The following ASH1L variants were observed in gnomAD, a reference collection of about 807,000 sequenced individuals.
ASH1L encodes the protein histone-lysine N-methyltransferase ASH1L.
In ASH1L, 23 loss-of-function variants were observed where a neutral mutation model predicts 269.0. The observed-to-expected ratio is 0.09, with a 90% CI of 0.06 to 0.12. The LOEUF is 0.12. Ranked by LOEUF, ASH1L falls within the 10% of genes least tolerant of loss-of-function variation. The pLI, the probability that ASH1L is intolerant of heterozygous loss-of-function variation, is 1.00. For synonymous variants in ASH1L, 1,187 were observed against 1,253.5 expected, an observed-to-expected ratio of 0.95 and a Z score of 1.12; for missense variants, 2,912 against 3,567.8, an observed-to-expected ratio of 0.82 and a Z score of 4.68.
chr1:155,357,114 CACACAA>C (rs1570983875), intron 15 of ASH1L, among the ~76,000 whole-genome samples, 196 bp downstream of exon 15: 1 of 92,172 alleles, frequency 1.1e-5, no homozygotes, highest in Non-Finnish European at 1.9e-5. Context: ...CACACACACA[CACACAA>C]AAGGGTAAGA....
chr1:155,541,019 A>T (rs1477223345), intron 1 of ASH1L, among the ~76,000 whole-genome samples: 1 of 152,118 alleles, frequency 6.6e-6, no homozygotes, highest in Non-Finnish European at 1.5e-5. Context: ...CTGAGGCGGG[A>T]GGATGGCTTG....
intron 10 of ASH1L, among the ~76,000 whole-genome samples, chr1:155,374,785 C>T (rs1656282799): frequency 6.6e-6 from 1 of 151,974 alleles, no homozygotes; most frequent in African/African-American, 2.4e-5. Context: ...TCAAATGTAA[C>T]CTCTAGTTCA....
chr1:155,501,958 GC>G (rs1351475260), intron 2 of ASH1L, among the ~76,000 whole-genome samples: 1 of 152,008 alleles, frequency 6.6e-6, no homozygotes, highest in Non-Finnish European at 1.5e-5. Flanking sequence ...ACTGCACTCG[GC>G]CTAGAGATTG....
intron 1 of ASH1L, among the ~76,000 whole-genome samples, chr1:155,542,415 G>A (rs570240721): frequency 6.6e-6 from 1 of 151,886 alleles, no homozygotes; most frequent in Non-Finnish European, 1.5e-5. Context: ...CAGGCGTGGT[G>A]GTGGGCGCCT....
At chr1:155,562,043 C>T (rs1672012354) in intron 1 of ASH1L, 110 bp downstream of exon 1, 1 of 776,960 alleles carries the variant, frequency 1.3e-6, no homozygotes, top group Non-Finnish European at 2.1e-6. Context: ...TTCACCACTG[C>T]TCTCTCAGAG....
chr1:155,551,276 CG>C (rs201056970), intron 1 of ASH1L, among the ~76,000 whole-genome samples: 2 of 151,442 alleles, frequency 1.3e-5, no homozygotes, highest in African/African-American at 2.4e-5. Flanking sequence ...ATCTTTTCCT[CG>C]GGGGGGAAAA....
chr1:155,529,861 T>C (rs1669535144), intron 1 of ASH1L, among the ~76,000 whole-genome samples: 1 of 151,986 alleles, frequency 6.6e-6, no homozygotes, highest in African/African-American at 2.4e-5. Context: ...CCTCACTTAG[T>C]TCCAAGAAGG....
intron 20 of ASH1L, 75 bp downstream of exon 20, chr1:155,347,581 G>C: frequency 6.3e-7 from 1 of 1,577,330 alleles, no homozygotes; most frequent in Non-Finnish European, 8.6e-7. Flanking sequence ...ATCCAAAAGA[G>C]GCATGGGCTT....
chr1:155,360,156 C>A, intron 13 of ASH1L, 145 bp downstream of exon 13: 2 of 588,432 alleles, frequency 3.4e-6, no homozygotes, highest in Non-Finnish European at 6.1e-6. Flanking sequence ...TCACAAAGTG[C>A]TGGGATTAAA....
intron 3 of ASH1L, among the ~76,000 whole-genome samples, chr1:155,462,929 A>G (rs925186289): frequency 6.6e-6 from 1 of 152,226 alleles, no homozygotes; most frequent in Admixed American, 6.5e-5. Context: ...GAAGATGAGG[A>G]TAACTGAAAA....
chr1:155,482,515 C>G, intron 2 of ASH1L, 66 bp from the exon 3 acceptor site: 2 of 1,481,520 alleles, frequency 1.3e-6, no homozygotes, highest in South Asian at 2.7e-5. Context: ...CTTAGCTTAA[C>G]AATCCAACAA....
chr1:155,381,602 T>C (rs559353127), intron 7 of ASH1L, among the ~76,000 whole-genome samples: 5 of 151,978 alleles, frequency 3.3e-5, no homozygotes, highest in East Asian at 3.9e-4. Flanking sequence ...CTGGGCGCAA[T>C]GGTTCATGCC....
rs1269060230 is a variant in ASH1L at position 155,482,145 on chromosome 1, G to A, written c.725C>T (p.Thr242Ile). The A allele has an allele frequency of 5.0e-6, 8 of 1,614,182 alleles. No homozygotes were observed. Among genetic ancestry groups the A allele is most frequent in the Non-Finnish European group, 6.8e-6 (8 of 1,180,010 alleles). The stretch of plus-strand genomic sequence containing the variant: ...GCTAACCAATCCTGCTGTAGTGCCA[G>A]TTCCTAACTTCTTCGGTTTTGTCTT... ...SSKTKPKKLGTGTTAGLVSKD... is the reference protein window; with the variant it reads ...SSKTKPKKLGIGTTAGLVSKD... The change falls in exon 3 of 28, where the codon ACT becomes ATT. Residue 242 changes from threonine to isoleucine, a missense_variant. By Grantham distance (89) the Thr-to-Ile change is moderately conservative (BLOSUM62 -1). Coordinates refer to ENST00000392403, the MANE Select transcript of ASH1L (RefSeq NM_018489.3).
chr1:155,532,965 G>GGA (rs10679513), intron 1 of ASH1L, among the ~76,000 whole-genome samples: 127,540 of 141,938 alleles, frequency 0.9, 58,504 homozygotes, highest in Non-Finnish European at 0.98. Flanking sequence ...ATATATGGGG[G>GGA]GAGAGAGAGA....
intron 2 of ASH1L, among the ~76,000 whole-genome samples, chr1:155,499,080 T>C (rs1667342976): frequency 6.6e-6 from 1 of 152,180 alleles, no homozygotes; most frequent in Non-Finnish European, 1.5e-5. Context: ...TTGAATTTTA[T>C]ATTCCACACT....
rs776289537 is a variant in ASH1L, at chr1:155,370,567, C to T, written c.6623G>A (p.Arg2208His). ...GATGAATCGGGCCTCATTTCCCATG[C>T]GGTAACTGTCAATCACCATCCCACT... ...LDSGMVIDSY[R>H]MGNEARFINH... Residue 2208 changes from arginine (R) to histidine (H), a missense_variant, in exon 12 of 28, where the codon CGC (arginine) becomes CAC (histidine). Physicochemically the swap from Arg to His is conservative, Grantham distance 29 (BLOSUM62 0). This residue lies in a region of ASH1L where 193 missense variants were observed against 311.6 expected (regional missense o/e 0.62). Coordinates refer to ENST00000392403, the MANE Select transcript of ASH1L (RefSeq NM_018489.3). 25 of 1,614,010 alleles carry T rather than the reference C, an allele frequency of 1.5e-5. No homozygotes were observed. Among genetic ancestry groups the T allele is most frequent in the Admixed American group, 1.3e-4 (8 of 59,980 alleles).
In ASH1L at chr1:155,524,669, CAAAAATA is replaced by C. The variant is rs569180897; in HGVS notation, c.-99-3058_-99-3052del. Among the ~76,000 whole-genome samples, 1,094 of 151,754 alleles carry C rather than the reference CAAAAATA, an allele frequency of 7.2e-3. 12 individuals carry two copies. Among genetic ancestry groups the C allele is most frequent in the African/African-American group, 0.025 (1,041 of 41,380 alleles). On this transcript the variant is annotated intron_variant, in intron 1 of 27. Transcript: ENST00000392403. Reference sequence around the variant, plus strand: ...ACAACACAGTGAGACCTCATCTCTACAAAAATAAAAAATAAAAAATTAGCCAGGTGTG... The same window carrying C: ...ACAACACAGTGAGACCTCATCTCTACAAAAATAAAAAATTAGCCAGGTGTG...
At chr1:155,401,477 C>CAAAA (rs545010671) in intron 6 of ASH1L, among the ~76,000 whole-genome samples, 1 of 65,886 alleles carries the variant, frequency 1.5e-5, no homozygotes, top group Non-Finnish European at 3.0e-5. Flanking sequence ...GACTCCATCT[C>CAAAA]AAAAAAAAAA....
intron 5 of ASH1L, among the ~76,000 whole-genome samples, chr1:155,427,398 C>T (rs1661241161): frequency 6.6e-6 from 1 of 152,016 alleles, no homozygotes; most frequent in African/African-American, 2.4e-5. Context: ...ACCTCCGCCT[C>T]CCGGGTCCAA....
Sources: gnomAD v4.1 joint callset for allele counts (sites outside exome capture counted in the v4.1 genomes callset) on GRCh38, gnomAD v4.1.1 for gene constraint, gnomAD v4.1.1 regional missense constraint, MANE v1.5 for transcripts, NCBI Gene and HGNC (gene_info 2026-07-23, HGNC 2026-07-21) for gene names.